The following SERHL2 variants were observed in gnomAD, a reference collection of about 807,000 sequenced individuals.
SERHL2 encodes the protein serine hydrolase like 2.
A neutral mutation model predicts 25.5 loss-of-function variants in SERHL2; 29 were observed. The observed-to-expected ratio is 1.14, with a 90% CI of 0.85 to 1.55. SERHL2 has a LOEUF of 1.55. Ranked by LOEUF, SERHL2 falls within the 40% of genes most tolerant of loss-of-function variation. The pLI is 0.00. For missense variants in SERHL2, 240 were observed against 252.3 expected, an observed-to-expected ratio of 0.95 and a Z score of 0.33; for synonymous variants, 95 against 103.5, an observed-to-expected ratio of 0.92 and a Z score of 0.50.
At chr22:42,572,105 A>G (rs1474307911) in intron 10 of SERHL2, among the ~76,000 whole-genome samples, 1 of 152,120 alleles carries the variant, frequency 6.6e-6, no homozygotes, top group Non-Finnish European at 1.5e-5. Flanking sequence ...GTGAAGACAT[A>G]AATTCTCTCT....
At chr22:42,554,121 G>A in intron 1 of SERHL2, 79 bp downstream of exon 1, 10 of 1,536,160 alleles carry the variant, frequency 6.5e-6, no homozygotes, top group Non-Finnish European at 8.9e-6. Context: ...GGGATGGAGT[G>A]GAGGGTTCGC....
At chr22:42,572,692 T>C in intron 11 of SERHL2, 163 bp downstream of exon 11, 1 of 984,722 alleles carries the variant, frequency 1.0e-6, no homozygotes, top group Non-Finnish European at 1.2e-6. Context: ...GGTCAGTCCC[T>C]AGAGGCCTAG....
intron 9 of SERHL2, among the ~76,000 whole-genome samples, chr22:42,570,203 C>G: frequency 6.6e-6 from 1 of 152,118 alleles, no homozygotes; most frequent in East Asian, 1.9e-4. Flanking sequence ...AGACAGATCA[C>G]CTGAGGTCAG....
Position 42,570,310 on chromosome 22 carries a change from G to A in SERHL2, c.649-811G>A, listed in dbSNP as rs534887710. 1.3e-3 allele frequency among the ~76,000 whole-genome samples: 192 copies of A among 152,060 alleles called. 1 individual carries two copies. Among genetic ancestry groups the A allele is most frequent in the African/African-American group, 4.4e-3 (184 of 41,534 alleles). On this transcript the variant is annotated intron_variant, in intron 9 of 11. Transcript: ENST00000327678. ...CGCATGCCTGTAATCCCAGCTACTC[G>A]GTAGGCTGAGGCAGGAGAATCGCTT...
At chr22:42,570,908 A>C (rs112823336) in intron 9 of SERHL2, among the ~76,000 whole-genome samples, 1 of 150,542 alleles carries the variant, frequency 6.6e-6, no homozygotes, top group Non-Finnish European at 1.5e-5. Context: ...CCCAGGAAGA[A>C]GGGAGAACAG....
chr22:42,560,414 T>C (rs1307924030), intron 8 of SERHL2, 149 bp downstream of exon 8: 1 of 651,256 alleles, frequency 1.5e-6, no homozygotes, highest in Non-Finnish European at 2.8e-6. Context: ...TCATCCCATT[T>C]AGAGCAGGAG....
At chr22:42,569,845 G>T (rs1417598304) in intron 9 of SERHL2, 1 of 90,690 alleles carries the variant, frequency 1.1e-5, no homozygotes, top group African/African-American at 1.2e-4. Flanking sequence ...CAATTTGTGT[G>T]TGTGTGTGTG....
chr22:42,571,587 G>A (rs1924199654), intron 10 of SERHL2: 2 of 527,732 alleles, frequency 3.8e-6, no homozygotes, highest in Non-Finnish European at 5.1e-6. Context: ...CACCAGGCCT[G>A]GCTTATTTTT....
intron 6 of SERHL2, among the ~76,000 whole-genome samples, chr22:42,556,874 G>A (rs976425384): frequency 1.5e-4 from 14 of 94,588 alleles, no homozygotes; most frequent in Admixed American, 2.2e-4. Flanking sequence ...GTGGAAGAGG[G>A]CAGCGGCCAT....
intron 8 of SERHL2, among the ~76,000 whole-genome samples, chr22:42,564,757 G>T (rs917279810): frequency 6.6e-6 from 1 of 151,886 alleles, no homozygotes; most frequent in Non-Finnish European, 1.5e-5. Context: ...TGACGGGACC[G>T]TCTCCCTTCA....
chr22:42,560,370 C>G lies in SERHL2; in HGVS notation c.613+105C>G, dbSNP rs1922536329. ...GGCAGGATACTAAGCGCTTTGCAAACAGCATCTCACTGAATCCCCCTCCTG... is the reference window on the plus strand; with the variant it reads ...GGCAGGATACTAAGCGCTTTGCAAAGAGCATCTCACTGAATCCCCCTCCTG... On this transcript the variant is annotated intron_variant, in intron 8 of 11. Coordinates refer to ENST00000327678, the MANE Select transcript of SERHL2 (RefSeq NM_014509.5). The G allele has an allele frequency of 7.5e-6, 6 of 795,400 alleles. No homozygotes were observed. The East Asian group carries it at 1.3e-4, about 17-fold the overall frequency. 49.3% of individuals were successfully genotyped at this position (795,400 alleles called of 1,614,324 possible). A position where few individuals can be genotyped will look rare whatever the true frequency, so the allele number is the denominator to read the frequency against.
At chr22:42,570,248 C>G (rs1378446911) in intron 9 of SERHL2, among the ~76,000 whole-genome samples, 1 of 151,916 alleles carries the variant, frequency 6.6e-6, no homozygotes, top group African/African-American at 2.4e-5. Context: ...ATGGTGAAAC[C>G]CTGTCGCTAC....
intron 8 of SERHL2, among the ~76,000 whole-genome samples, 188 bp downstream of exon 8, chr22:42,560,453 C>G (rs1257476302): frequency 6.6e-6 from 1 of 151,930 alleles, no homozygotes; most frequent in East Asian, 1.9e-4. Flanking sequence ...GCCAAGCAAC[C>G]CGGGTGAGGC....
intron 8 of SERHL2, among the ~76,000 whole-genome samples, chr22:42,564,338 G>A (rs1923059013): frequency 6.6e-6 from 1 of 151,704 alleles, no homozygotes; most frequent in African/African-American, 2.4e-5. Flanking sequence ...TGGTCAGACA[G>A]TGAATGCCCA....
At chr22:42,562,145 G>T (rs915639812) in intron 8 of SERHL2, among the ~76,000 whole-genome samples, 1 of 151,652 alleles carries the variant, frequency 6.6e-6, no homozygotes, top group African/African-American at 2.4e-5. Flanking sequence ...TGGCCTTTTG[G>T]GACCCAGCAT....
At chr22:42,562,518 G>T (rs1386233671) in intron 8 of SERHL2, among the ~76,000 whole-genome samples, 1 of 151,756 alleles carries the variant, frequency 6.6e-6, no homozygotes, top group Non-Finnish European at 1.5e-5. Context: ...GTTACAGAGT[G>T]CGTGAGAAGG....
chr22:42,571,003 A>C (rs1297301342), intron 9 of SERHL2, 118 bp from the exon 10 acceptor site: 83 of 1,482,244 alleles, frequency 5.6e-5, no homozygotes, highest in Non-Finnish European at 6.9e-5. Flanking sequence ...GCTCAGACCC[A>C]GGGTGGGTGG....
chr22:42,566,283 T>G lies in SERHL2; in HGVS notation c.614-21T>G. 3 of 1,610,314 alleles carry G rather than the reference T, an allele frequency of 1.9e-6. 1 individual carries two copies. The highest frequency in any genetic ancestry group is 8.5e-7 in the Non-Finnish European group (1 of 1,178,164). ...CTGATGGACAGCATTGACGCTGCTG[T>G]CTTTGTGCTTCCGCCTCCAGGTCTG... On this transcript the variant is annotated intron_variant, in intron 8 of 11. Transcript: ENST00000327678.
At chr22:42,560,849 C>T (rs1922595776) in intron 8 of SERHL2, among the ~76,000 whole-genome samples, 1 of 151,978 alleles carries the variant, frequency 6.6e-6, no homozygotes, top group African/African-American at 2.4e-5. Flanking sequence ...GATCGTCCCA[C>T]CTCAGCCTCC....
Sources: allele counts gnomAD v4.1 joint callset (sites outside exome capture counted in the v4.1 genomes callset), GRCh38; gene constraint gnomAD v4.1.1; transcripts MANE v1.5; gene names NCBI Gene and HGNC (gene_info 2026-07-23, HGNC 2026-07-21).